The following CAND2 variants were observed in gnomAD, a reference collection of about 807,000 sequenced individuals.
CAND2 encodes cullin-associated NEDD8-dissociated protein 2.
Under a neutral mutation model 98.9 loss-of-function variants are expected in CAND2, and 62 were observed. The ratio of observed to expected loss-of-function variants is 0.63; its 90% confidence interval spans 0.51 to 0.77. The LOEUF is 0.77. Ranked by LOEUF, CAND2 falls within the 30% of genes least tolerant of loss-of-function variation. The pLI is 0.00. For missense variants in CAND2, 1,501 were observed against 1,655.2 expected (o/e 0.91, Z 1.62); for synonymous variants, 770 against 731.9 (o/e 1.05, Z -0.84).
At chr3:12,816,296 G>C (rs2061900109) in intron 9 of CAND2, 78 bp from the exon 10 acceptor site, 2 of 1,407,612 alleles carry the variant, frequency 1.4e-6, no homozygotes, top group East Asian at 4.6e-5. Context: ...GCACTTGTAG[G>C]TACCCCAGCC....
At position 12,815,961 on chromosome 3, in the gene CAND2, G is replaced by A. The variant is rs775069513; in HGVS notation, c.1394G>A (p.Gly465Asp). ...TTCAGCCTCCTCACCGAGCTGGCGG[G>A]TGTCCTCCCAGGCAGCCTGGCCGAG... is the stretch of plus-strand genomic sequence containing the variant. ...GCFSLLTELAGVLPGSLAEHM... is the reference protein window; with the variant it reads ...GCFSLLTELADVLPGSLAEHM... The change falls in exon 9 of 15, where the codon GGT (glycine) becomes GAT (aspartate). Residue 465 changes from glycine to aspartate, a missense_variant. Around this residue, in one of 3 missense-constraint regions of CAND2, gnomAD observed 1,427 missense variants for 1,545.3 expected, o/e 0.92. Coordinates refer to ENST00000456430, the MANE Select transcript of CAND2 (RefSeq NM_001162499.2). The surrounding 1 kb of genome is among the most constrained non-coding windows in gnomAD (Gnocchi z 5.7). 22 of 1,613,974 alleles carry A rather than the reference G, an allele frequency of 1.4e-5. No homozygotes were observed. In the Middle Eastern group the frequency reaches 4.9e-4, roughly 36 times the overall value.
chr3:12,829,544 T>TA (rs1483917051), intron 13 of CAND2, among the ~76,000 whole-genome samples: 7 of 152,252 alleles, frequency 4.6e-5, no homozygotes, highest in Non-Finnish European at 7.3e-5. Context: ...ATACTTGTTT[T>TA]AAAAGATTTA....
intron 2 of CAND2, 29 bp downstream of exon 2, chr3:12,803,660 A>G (rs1243557632): frequency 3.8e-6 from 6 of 1,561,630 alleles, no homozygotes; most frequent in Middle Eastern, 1.8e-4. Flanking sequence ...GGAGCAGGAG[A>G]GGGGGCCCTA....
chr3:12,828,633 C>T (rs2062025115), intron 13 of CAND2, among the ~76,000 whole-genome samples: 2 of 152,270 alleles, frequency 1.3e-5, no homozygotes, highest in South Asian at 4.2e-4. Context: ...TGAGCCACTG[C>T]GCCAGGCTCC....
intron 1 of CAND2, among the ~76,000 whole-genome samples, chr3:12,798,798 T>C (rs545709115): frequency 3.9e-5 from 6 of 152,314 alleles, no homozygotes; most frequent in African/African-American, 1.4e-4. Context: ...AAAGTCCGAA[T>C]ACCAGGGTGC....
chr3:12,815,257 T>C lies in CAND2; in HGVS notation c.1123T>C (p.Cys375Arg), dbSNP rs2061887939. The C allele has an allele frequency of 6.2e-7, 1 of 1,613,910 alleles. No homozygotes were observed. Among genetic ancestry groups the C allele is most frequent in the East Asian group, 2.2e-5 (1 of 44,884 alleles). ...GCCTGACCTGCTGCCCGATTTCCAC[T>C]GCACCCTGGCACCTGTGCTCATCCG... ...SRPDLLPDFH[C>R]TLAPVLIRRF... Residue 375 changes from cysteine to arginine, a missense_variant, in exon 8 of 15, where the codon TGC becomes CGC. Cys to Arg is a radical substitution (Grantham distance 180). Transcript: ENST00000456430. The surrounding 1 kb of genome is among the most constrained non-coding windows in gnomAD (Gnocchi z 5.7).
intron 5 of CAND2, among the ~76,000 whole-genome samples, chr3:12,812,178 G>C (rs1310778176): frequency 6.7e-5 from 10 of 148,950 alleles, no homozygotes; most frequent in African/African-American, 2.0e-4. Context: ...CAAAGTGCTG[G>C]GATTACAGGT....
chr3:12,815,535 C>A lies in CAND2; in HGVS notation c.1299+102C>A. On this transcript the variant is annotated intron_variant, in intron 8 of 14. Coordinates refer to ENST00000456430, the MANE Select transcript of CAND2 (RefSeq NM_001162499.2). This position sits in a 1 kb window ranked among gnomAD's most constrained non-coding sequence, Gnocchi z 5.7. ...AAACTCAGCTGGGAGAACATCCAGC[C>A]ATGGAAGGGAAGGGAAGGGGTCCCT... 1 of 1,266,112 alleles carries A rather than the reference C, an allele frequency of 7.9e-7. No individual in the cohort carries two copies. The highest frequency in any genetic ancestry group is 1.1e-6 in the Non-Finnish European group (1 of 916,238). 78.4% of individuals were successfully genotyped at this position (1,266,112 alleles called of 1,614,324 possible).
intron 13 of CAND2, among the ~76,000 whole-genome samples, chr3:12,830,655 G>T (rs1447931779): frequency 6.6e-6 from 1 of 152,230 alleles, no homozygotes; most frequent in Non-Finnish European, 1.5e-5. Flanking sequence ...TACAGCTATA[G>T]AGCCCACAGC....
chr3:12,809,437 TAAGG>T (rs1387934324), intron 4 of CAND2, among the ~76,000 whole-genome samples: 1 of 151,788 alleles, frequency 6.6e-6, no homozygotes, highest in Non-Finnish European at 1.5e-5. Flanking sequence ...GACATAGAAA[TAAGG>T]GAGGGTAAGG....
At chr3:12,813,195 C>G (rs372019865) in intron 6 of CAND2, 51 bp from the exon 7 acceptor site, 40 of 1,604,192 alleles carry the variant, frequency 2.5e-5, no homozygotes, top group Middle Eastern at 1.9e-4. Context: ...CCCTGTCCCC[C>G]ACTCCTGTCC....
At chr3:12,820,224 C>T (rs764561895) in intron 11 of CAND2, 43 bp downstream of exon 11, 41 of 1,442,452 alleles carry the variant, frequency 2.8e-5, no homozygotes, top group Non-Finnish European at 3.6e-5. Context: ...TCAGTGCCCC[C>T]ACCCAGTCCT....
At position 12,816,767 on chromosome 3, in the gene CAND2, C is replaced by T; in HGVS notation, c.1835C>T (p.Pro612Leu). The T allele has an allele frequency of 6.2e-7, 1 of 1,613,572 alleles. No individual in the cohort carries two copies. Among genetic ancestry groups the T allele is most frequent in the African/African-American group, 1.3e-5 (1 of 75,060 alleles). Residue 612 changes from proline to leucine, a missense_variant, in exon 10 of 15, where the codon CCC (proline) becomes CTC (leucine). By Grantham distance (98) the Pro-to-Leu change is moderately conservative. Transcript: ENST00000456430. ...LGDRLGDDLE[P>L]TLLLLLDRLR... ...GACCGGCTTGGGGATGACCTGGAGC[C>T]CACGTTACTGCTCCTCCTGGACCGC...
chr3:12,809,844 A>T, intron 4 of CAND2: 1 of 513,700 alleles, frequency 1.9e-6, no homozygotes, highest in Non-Finnish European at 3.2e-6. Flanking sequence ...CAGGCTTTGC[A>T]CTGCTGAGAA....
intron 11 of CAND2, among the ~76,000 whole-genome samples, chr3:12,824,946 C>T (rs1445659718): frequency 1.3e-5 from 2 of 152,000 alleles, no homozygotes; most frequent in South Asian, 2.1e-4. Context: ...TGGCACTGTA[C>T]AAAAAGGAGT....
chr3:12,811,891 G>C (rs1282607498), intron 5 of CAND2, among the ~76,000 whole-genome samples: 1 of 148,160 alleles, frequency 6.7e-6, no homozygotes, highest in Non-Finnish European at 1.5e-5. Context: ...CTTGGACTAA[G>C]CTTTTTTAAC....
At chr3:12,811,309 A>AGT (rs2061850256) in intron 5 of CAND2, among the ~76,000 whole-genome samples, 1 of 151,938 alleles carries the variant, frequency 6.6e-6, no homozygotes, top group South Asian at 2.1e-4. Context: ...GGAGTCTAGG[A>AGT]GTGTTGGGGG....
At chr3:12,822,469 A>G (rs1254660060) in intron 11 of CAND2, among the ~76,000 whole-genome samples, 1 of 151,868 alleles carries the variant, frequency 6.6e-6, no homozygotes, top group Non-Finnish European at 1.5e-5. Context: ...GCTACTTTTT[A>G]AATTTTTTTT....
chr3:12,803,400 G>T, intron 1 of CAND2, 88 bp from the exon 2 acceptor site: 1 of 1,294,028 alleles, frequency 7.7e-7, no homozygotes, highest in Middle Eastern at 2.0e-4. Flanking sequence ...TTGTATTAAG[G>T]TCTACTTCTA....
Sources: allele counts gnomAD v4.1 joint callset (sites outside exome capture counted in the v4.1 genomes callset), GRCh38; gene constraint gnomAD v4.1.1; regional missense constraint gnomAD v4.1.1; non-coding constraint Gnocchi (gnomAD v3.1); transcripts MANE v1.5; gene names NCBI Gene and HGNC (gene_info 2026-07-23, HGNC 2026-07-21).